Variants in ASPH observed in about 807,000 individuals in gnomAD.
ASPH encodes aspartate beta-hydroxylase.
ASPH carries 100 observed loss-of-function variants against 118.4 expected under a neutral mutation model. The ratio of observed to expected loss-of-function variants is 0.84; its 90% CI spans 0.72 to 1.00. The LOEUF is 1.00. ASPH is among the 50% of genes least tolerant of loss of function. ASPH has a pLI of 0.00. For synonymous variants in ASPH, 315 were observed against 325.6 expected (o/e 0.97, Z 0.35); for missense variants, 920 against 919.5 (o/e 1.00, Z -0.01).
chr8:61,707,311 C>A (rs528970694), intron 1 of ASPH, among the ~76,000 whole-genome samples: 1 of 151,910 alleles, frequency 6.6e-6, no homozygotes, highest in East Asian at 1.9e-4. Flanking sequence ...GATATACGAA[C>A]AGGCAATTCA....
At chr8:61,635,836 A>G (rs1458227613) in intron 12 of ASPH, among the ~76,000 whole-genome samples, 1 of 152,158 alleles carries the variant, frequency 6.6e-6, no homozygotes, top group Non-Finnish European at 1.5e-5. Flanking sequence ...TTGGATTAGT[A>G]CACAATATTT....
chr8:61,540,341 T>G (rs1214825212), intron 21 of ASPH, among the ~76,000 whole-genome samples: 1 of 152,198 alleles, frequency 6.6e-6, no homozygotes, highest in African/African-American at 2.4e-5. Flanking sequence ...CTCTTGGTAC[T>G]GTCCTCGTGA....
At chr8:61,675,266 T>G (rs1368915167) in intron 3 of ASPH, 1 of 885,924 alleles carries the variant, frequency 1.1e-6, no homozygotes, top group Non-Finnish European at 1.4e-6. Context: ...TTATTTAGGA[T>G]GAATAATTTT....
chr8:61,522,445 G>A (rs540342419), intron 22 of ASPH, among the ~76,000 whole-genome samples: 39 of 151,992 alleles, frequency 2.6e-4, no homozygotes, highest in Non-Finnish European at 5.3e-4. Context: ...GTCCTCACAC[G>A]TCATTTTCTC....
intron 22 of ASPH, among the ~76,000 whole-genome samples, chr8:61,520,942 C>T (rs1291238963): frequency 6.6e-6 from 1 of 152,202 alleles, no homozygotes; most frequent in Non-Finnish European, 1.5e-5. Flanking sequence ...GCTCTTTAGA[C>T]ACATTTATCT....
At chr8:61,548,020 A>G in intron 21 of ASPH, 51 bp downstream of exon 21, 1 of 1,502,260 alleles carries the variant, frequency 6.7e-7, no homozygotes, top group South Asian at 1.3e-5. Flanking sequence ...TCTGATTTTG[A>G]GGAGGAAATA....
intron 1 of ASPH, among the ~76,000 whole-genome samples, chr8:61,705,683 G>T (rs955120540): frequency 1.3e-5 from 2 of 152,034 alleles, no homozygotes; most frequent in Admixed American, 1.3e-4. Context: ...ATCCTAATAG[G>T]TTATTGTTTT....
chr8:61,649,529 T>G (rs1164385623), intron 5 of ASPH, among the ~76,000 whole-genome samples: 2 of 152,126 alleles, frequency 1.3e-5, no homozygotes, highest in African/African-American at 4.8e-5. Flanking sequence ...CAAAGAATAT[T>G]TATAACCATG....
chr8:61,655,376 G>C lies in ASPH; in HGVS notation c.323-1716C>G, dbSNP rs181974960. On this transcript the variant is annotated intron_variant, in intron 3 of 24. Coordinates refer to ENST00000379454, the MANE Select transcript of ASPH (RefSeq NM_004318.4). ...TCAGTGTCATAAGTCTAGTTTGCCT[G>C]AGACACTCCCAGTTTATGTCTGCTG... Among the ~76,000 whole-genome samples, 239 of 152,220 alleles carry C rather than the reference G, an allele frequency of 1.6e-3. 3 individuals are homozygous for C. The highest frequency in any genetic ancestry group is 0.012 in the South Asian group (58 of 4,824).
chr8:61,704,447 A>G (rs1702228464), intron 1 of ASPH, among the ~76,000 whole-genome samples: 1 of 151,942 alleles, frequency 6.6e-6, no homozygotes, highest in Non-Finnish European at 1.5e-5. Context: ...AGAAGAAAAT[A>G]AAAGAGGATA....
intron 21 of ASPH, among the ~76,000 whole-genome samples, chr8:61,531,515 T>A (rs1413258213): frequency 6.6e-6 from 1 of 152,104 alleles, no homozygotes; most frequent in East Asian, 1.9e-4. Flanking sequence ...AGTTAGTAAA[T>A]AATTTTGTTT....
chr8:61,674,259 AT>A (rs1824115290), intron 3 of ASPH, among the ~76,000 whole-genome samples: 1 of 152,194 alleles, frequency 6.6e-6, no homozygotes, highest in African/African-American at 2.4e-5. Context: ...AAACTTTGAT[AT>A]TTCATAGTAC....
At position 61,581,858 on chromosome 8, in the gene ASPH, G is replaced by A. The variant is rs564919266; in HGVS notation, c.1062+2086C>T. On this transcript the variant is annotated intron_variant, in intron 15 of 24. Transcript: ENST00000379454. The stretch of plus-strand genomic sequence containing the variant: ...AAACCCTTTTTCCAGAGGTAGGAAA[G>A]CATTTTAAATAATAAATATTATTAT... 2.0e-5 allele frequency among the ~76,000 whole-genome samples: 3 copies of A among 152,282 alleles called. No individual in the cohort carries two copies. The South Asian group carries it at 6.2e-4, about 32-fold the overall frequency.
intron 19 of ASPH, among the ~76,000 whole-genome samples, chr8:61,554,977 G>C (rs937725128): frequency 6.6e-6 from 1 of 152,112 alleles, no homozygotes; most frequent in African/African-American, 2.4e-5. Context: ...GTCTCCAAAA[G>C]TGTTGGGCTT....
At chr8:61,535,399 T>C (rs970457317) in intron 21 of ASPH, among the ~76,000 whole-genome samples, 8 of 152,200 alleles carry the variant, frequency 5.3e-5, no homozygotes, top group African/African-American at 1.9e-4. Context: ...AAACAACTCT[T>C]AGGGTTCAGT....
chr8:61,614,964 T>A (rs1848565420), intron 14 of ASPH, among the ~76,000 whole-genome samples: 1 of 152,166 alleles, frequency 6.6e-6, no homozygotes. Flanking sequence ...CTAATTGGTT[T>A]CCCTGCTTCC....
chr8:61,664,467 T>C, intron 3 of ASPH: 3 of 984,458 alleles, frequency 3.0e-6, no homozygotes, highest in Non-Finnish European at 3.6e-6. Context: ...CTCCCCTTTA[T>C]TCATGGCTAT....
chr8:61,524,292 AATGCTATTATTAAT>A (rs1170676482), intron 22 of ASPH, among the ~76,000 whole-genome samples: 1 of 152,150 alleles, frequency 6.6e-6, no homozygotes, highest in Non-Finnish European at 1.5e-5. Flanking sequence ...CATAGCTTTA[AATGCTATTATTAAT>A]AAGAAAGAAT....
chr8:61,517,611 C>A lies in ASPH; in HGVS notation c.2043G>T (p.Gly681=), dbSNP rs558834895. The change falls in exon 24 of 25, where the codon GGG becomes GGT. Residue 681 remains glycine, a synonymous_variant. Transcript: ENST00000379454. The part of the protein sequence containing the change: ...HPGTHVWPHT[G]PTNCRLRMHL... ...GCATTCGGAGCCTGCAGTTTGTGGG[C>A]CCTGTGTGCGGCCACACGTGAGTCC... 4 of 1,614,012 alleles carry A rather than the reference C, an allele frequency of 2.5e-6. No homozygotes were observed. The South Asian group carries it at 4.4e-5, about 18-fold the overall frequency.
Sources: allele counts gnomAD v4.1 joint callset (sites outside exome capture counted in the v4.1 genomes callset), GRCh38; gene constraint gnomAD v4.1.1; transcripts MANE v1.5; gene names NCBI Gene and HGNC (gene_info 2026-07-23, HGNC 2026-07-21).